CTNNA3: variants seen among roughly 807,000 people sequenced by gnomAD.
CTNNA3 encodes the protein catenin alpha-3.
A neutral mutation model predicts 95.7 loss-of-function variants in CTNNA3; 76 were observed. That is an observed-to-expected ratio of 0.79 (90% CI 0.66 to 0.96). CTNNA3 has a LOEUF of 0.96. Ranked by LOEUF, CTNNA3 falls within the 40% of genes least tolerant of loss-of-function variation. CTNNA3 has a pLI of 0.00. For synonymous variants in CTNNA3, 431 were observed against 374.4 expected (o/e 1.15, Z -1.74); for missense variants, 1,191 against 1,089.8 (o/e 1.09, Z -1.31).
intron 1 of CTNNA3, among the ~76,000 whole-genome samples, chr10:67,660,483 G>C (rs1840147231): frequency 6.6e-6 from 1 of 152,010 alleles, no homozygotes; most frequent in Non-Finnish European, 1.5e-5. Flanking sequence ...AGCAAAAAAA[G>C]AAAAGATGGA....
chr10:66,687,543 C>T (rs1271059015), intron 9 of CTNNA3, among the ~76,000 whole-genome samples: 1 of 151,896 alleles, frequency 6.6e-6, no homozygotes, highest in African/African-American at 2.4e-5. Context: ...AATAAATAAA[C>T]AAGACATAGT....
chr10:66,158,787 CAT>C (rs1001893538), intron 13 of CTNNA3, among the ~76,000 whole-genome samples: 3 of 151,942 alleles, frequency 2.0e-5, no homozygotes, highest in Non-Finnish European at 4.4e-5. Flanking sequence ...GAGCATAGGA[CAT>C]GTTTCCATTT....
intron 5 of CTNNA3, among the ~76,000 whole-genome samples, chr10:67,456,854 T>C (rs1847192097): frequency 6.6e-6 from 1 of 152,138 alleles, no homozygotes; most frequent in Non-Finnish European, 1.5e-5. Flanking sequence ...TTCACAGCAA[T>C]GTAACCAAGG....
At chr10:66,403,715 C>T (rs2093036957) in intron 11 of CTNNA3, among the ~76,000 whole-genome samples, 1 of 152,140 alleles carries the variant, frequency 6.6e-6, no homozygotes, top group Non-Finnish European at 1.5e-5. Flanking sequence ...TGCAAGACAG[C>T]TACTGTACAA....
chr10:67,660,012 T>C (rs560310139), intron 1 of CTNNA3, among the ~76,000 whole-genome samples: 5 of 152,334 alleles, frequency 3.3e-5, no homozygotes, highest in South Asian at 4.1e-4. Context: ...AAAAACACTA[T>C]ATTCATTTTT....
chr10:67,066,195 C>CTTTTTT lies in CTNNA3; in HGVS notation c.1047+114116_1047+114121dup, dbSNP rs71006118. 4.6e-3 allele frequency among the ~76,000 whole-genome samples: 563 copies of CTTTTTT among 123,044 alleles called. 27 individuals are homozygous for CTTTTTT. Among genetic ancestry groups the CTTTTTT allele is most frequent in the African/African-American group, 0.017 (522 of 30,898 alleles). The allele number at this position is 123,044 out of a possible 152,430, so 80.7% of individuals were successfully genotyped here. On this transcript the variant is annotated intron_variant, in intron 7 of 17. Coordinates refer to ENST00000433211, the MANE Select transcript of CTNNA3 (RefSeq NM_013266.4). ...CTGCTGTGCCCACTGAAGTCACTGG[C>CTTTTTT]TTTTTTTTTTTTTTTTTGAGACAGT... is the stretch of plus-strand genomic sequence containing the variant.
At chr10:66,439,638 A>T (rs1367017615) in intron 11 of CTNNA3, among the ~76,000 whole-genome samples, 11 of 152,198 alleles carry the variant, frequency 7.2e-5, no homozygotes, top group Admixed American at 6.6e-5. Flanking sequence ...AGCATAATAG[A>T]CTATTTCAGA....
chr10:66,457,026 C>T lies in CTNNA3; in HGVS notation c.1531+63591G>A, dbSNP rs1164772831. On this transcript the variant is annotated intron_variant, in intron 11 of 17. Coordinates refer to ENST00000433211, the MANE Select transcript of CTNNA3 (RefSeq NM_013266.4). ...GGAGGATCTCTTGAGCCCAAGACGT[C>T]GTGTCTGGAATGAGCTTTGATTGTA... Among the ~76,000 whole-genome samples, 4 of 151,476 alleles carry T rather than the reference C, an allele frequency of 2.6e-5. No individual in the cohort carries two copies. The East Asian group carries it at 5.9e-4, about 23-fold the overall frequency.
At chr10:67,025,924 A>G (rs1250006354) in intron 7 of CTNNA3, among the ~76,000 whole-genome samples, 1 of 148,576 alleles carries the variant, frequency 6.7e-6, no homozygotes, top group Non-Finnish European at 1.5e-5. Context: ...AATACTATGC[A>G]GCCATAAAAA....
intron 12 of CTNNA3, among the ~76,000 whole-genome samples, chr10:66,328,049 C>A (rs1376660457): frequency 2.6e-5 from 4 of 151,912 alleles, no homozygotes; most frequent in Admixed American, 2.6e-4. Context: ...TAATAGATAG[C>A]CATTCTTTTA....
chr10:66,996,630 G>C (rs1199564609), intron 7 of CTNNA3, among the ~76,000 whole-genome samples: 1 of 111,322 alleles, frequency 9.0e-6, no homozygotes, highest in African/African-American at 3.4e-5. Context: ...CTGGGTGAGA[G>C]AGTGAGACTC....
chr10:66,106,664 G>C (rs2081925444), intron 13 of CTNNA3, among the ~76,000 whole-genome samples: 1 of 152,014 alleles, frequency 6.6e-6, no homozygotes, highest in African/African-American at 2.4e-5. Flanking sequence ...GTTTATTTCT[G>C]TTTGTTGCTT....
chr10:66,961,806 T>C (rs1472098796), intron 7 of CTNNA3, among the ~76,000 whole-genome samples: 1 of 152,166 alleles, frequency 6.6e-6, no homozygotes, highest in African/African-American at 2.4e-5. Flanking sequence ...AAAGTGACTA[T>C]CCTGATCTTC....
intron 9 of CTNNA3, among the ~76,000 whole-genome samples, chr10:66,765,464 G>A (rs1047878024): frequency 6.6e-6 from 1 of 152,140 alleles, no homozygotes; most frequent in African/African-American, 2.4e-5. Context: ...CCATGCTGAT[G>A]AGTATGAGCC....
chr10:66,190,808 G>C (rs899719127), intron 13 of CTNNA3, among the ~76,000 whole-genome samples: 1 of 152,020 alleles, frequency 6.6e-6, no homozygotes, highest in Non-Finnish European at 1.5e-5. Flanking sequence ...AAAAAGAATT[G>C]AGTGAATAAA....
At chr10:66,379,684 T>C (rs1286099635) in intron 11 of CTNNA3, among the ~76,000 whole-genome samples, 2 of 151,940 alleles carry the variant, frequency 1.3e-5, no homozygotes, top group African/African-American at 2.4e-5. Context: ...GAAAACAAAA[T>C]ATGTGATGAT....
chr10:66,014,743 T>C (rs2079062331), intron 15 of CTNNA3, among the ~76,000 whole-genome samples: 1 of 152,146 alleles, frequency 6.6e-6, no homozygotes, highest in Non-Finnish European at 1.5e-5. Flanking sequence ...AATTAATTTG[T>C]ACTTAAAAAG....
chr10:66,013,191 G>A (rs114832054), intron 15 of CTNNA3, among the ~76,000 whole-genome samples: 1,929 of 152,260 alleles, frequency 0.013, 32 homozygotes, highest in African/African-American at 0.044. Flanking sequence ...GTGAGCCACC[G>A]TGCCTGGCCT....
At chr10:66,448,876 A>G (rs991449738) in intron 11 of CTNNA3, among the ~76,000 whole-genome samples, 2 of 152,142 alleles carry the variant, frequency 1.3e-5, no homozygotes, top group Admixed American at 6.5e-5. Context: ...AACTTTAATG[A>G]CCTTTTGATC....
Sources: allele counts gnomAD v4.1 joint callset (sites outside exome capture counted in the v4.1 genomes callset), GRCh38; gene constraint gnomAD v4.1.1; transcripts MANE v1.5; gene names NCBI Gene and HGNC (gene_info 2026-07-23, HGNC 2026-07-21).